Variants in FHAD1 observed in about 807,000 individuals in gnomAD.
FHAD1 encodes forkhead associated phosphopeptide binding domain 1, also known as forkhead-associated domain-containing protein 1.
FHAD1 carries 146 observed loss-of-function variants against 191.3 expected under a neutral mutation model. The ratio of observed to expected loss-of-function variants is 0.76; its 90% confidence interval spans 0.67 to 0.88. FHAD1 has a LOEUF of 0.88. FHAD1 is among the 40% of genes least tolerant of loss of function. FHAD1 has a pLI of 0.00. For synonymous variants in FHAD1, 616 were observed against 672.3 expected (o/e 0.92, Z 1.29); for missense variants, 1,635 against 1,785.8 (o/e 0.92, Z 1.52).
At chr1:15,275,320 T>G (rs960597997) in intron 3 of FHAD1, among the ~76,000 whole-genome samples, 6 of 152,330 alleles carry the variant, frequency 3.9e-5, no homozygotes, top group African/African-American at 1.4e-4. Flanking sequence ...TTCTTATTTC[T>G]ACATGCAGTT....
Position 15,311,889 on chromosome 1 carries a change from C to G in FHAD1, c.1040-1168C>G, listed in dbSNP as rs372381837. On this transcript the variant is annotated intron_variant, in intron 7 of 33. Coordinates refer to ENST00000688493, the MANE Select transcript of FHAD1 (RefSeq NM_001391957.1). The surrounding 1 kb of genome is among the most constrained non-coding windows in gnomAD (Gnocchi z 4.1). ...AGTGACTTAGTCTGGCTCAGGGTCTCTCACGAGGTTGCAGGAGCTACTGCT... is the reference window on the plus strand; with the variant it reads ...AGTGACTTAGTCTGGCTCAGGGTCTGTCACGAGGTTGCAGGAGCTACTGCT... Among the ~76,000 whole-genome samples the G allele has an allele frequency of 6.9e-4, 105 of 152,332 alleles. No homozygotes were observed. The highest frequency in any genetic ancestry group is 3.4e-3 in the Middle Eastern group (1 of 294).
rs780928321 is a variant in FHAD1, at chr1:15,366,025, C to T, written c.3154+92C>T. 3.4e-5 allele frequency: 29 copies of T among 844,596 alleles called. No homozygotes were observed. The Middle Eastern group carries it at 9.2e-4, about 27-fold the overall frequency. 52.3% of individuals were successfully genotyped at this position (844,596 alleles called of 1,614,324 possible). A position where few individuals can be genotyped will look rare whatever the true frequency, so the allele number is the denominator to read the frequency against. ...AGAGTCGGCCGGGCGCAGTGGCGCA[C>T]GCCTATAATCCCAGCACTTTGGGAG... On this transcript the variant is annotated intron_variant, in intron 24 of 33. Transcript: ENST00000688493.
At position 15,328,353 on chromosome 1, in the gene FHAD1, C is replaced by T. The variant is rs1679738526; in HGVS notation, c.1634C>T (p.Thr545Ile). Residue 545 changes from threonine to isoleucine, a missense_variant, in exon 13 of 34, where the codon ACC becomes ATC. Coordinates refer to ENST00000688493, the MANE Select transcript of FHAD1 (RefSeq NM_001391957.1). ...QQKKWTLQKETQLSNSKQEET... is the reference protein window; with the variant it reads ...QQKKWTLQKEIQLSNSKQEET... Reference sequence around the variant, plus strand: ...AAAAAGTGGACCCTCCAGAAAGAGACCCAGCTGAGCAACTCCAAGCAGGAG... The same window carrying T: ...AAAAAGTGGACCCTCCAGAAAGAGATCCAGCTGAGCAACTCCAAGCAGGAG... 1.3e-6 allele frequency: 2 copies of T among 1,548,918 alleles called. No individual in the cohort carries two copies. Among genetic ancestry groups the T allele is most frequent in the Non-Finnish European group, 1.7e-6 (2 of 1,146,052 alleles).
At chr1:15,308,585 C>G (rs148232755) in intron 6 of FHAD1, 28 bp from the exon 7 acceptor site, 6 of 1,551,120 alleles carry the variant, frequency 3.9e-6, no homozygotes, top group African/African-American at 2.7e-5. Flanking sequence ...GGCCAGCCCC[C>G]CTCTGACTGT....
chr1:15,274,018 T>C (rs527490030), intron 3 of FHAD1, among the ~76,000 whole-genome samples: 11 of 152,200 alleles, frequency 7.2e-5, no homozygotes, highest in Non-Finnish European at 1.5e-4. Context: ...GTCTAGCTGG[T>C]TTCACTCAGC....
At chr1:15,298,356 A>G (rs1168950405) in intron 5 of FHAD1, among the ~76,000 whole-genome samples, 1 of 152,238 alleles carries the variant, frequency 6.6e-6, no homozygotes, top group African/African-American at 2.4e-5. Flanking sequence ...AGAGTGATGC[A>G]GTAGACTTTG....
intron 23 of FHAD1, 73 bp from the exon 24 acceptor site, chr1:15,365,754 G>T: frequency 1.2e-6 from 1 of 838,008 alleles, no homozygotes; most frequent in African/African-American, 1.7e-5. Context: ...ATTTGTACTT[G>T]GCCCCTCCTG....
intron 2 of FHAD1, among the ~76,000 whole-genome samples, chr1:15,267,378 G>A (rs1394582909): frequency 6.6e-6 from 1 of 152,108 alleles, no homozygotes; most frequent in South Asian, 2.1e-4. Context: ...AAGACTTCAC[G>A]TCTATGTATA....
At chr1:15,385,144 T>C (rs6692393) in intron 31 of FHAD1, among the ~76,000 whole-genome samples, 2 of 147,398 alleles carry the variant, frequency 1.4e-5, no homozygotes, top group African/African-American at 5.1e-5. Context: ...TTTTTTTTTT[T>C]GCTTGCTGTT....
At chr1:15,367,739 T>C (rs1282102560) in intron 25 of FHAD1, 117 bp downstream of exon 25, 1 of 811,270 alleles carries the variant, frequency 1.2e-6, no homozygotes, top group Non-Finnish European at 1.9e-6. Flanking sequence ...ATGAATGATA[T>C]GTGTTTCATG....
intron 2 of FHAD1, among the ~76,000 whole-genome samples, chr1:15,261,663 G>A (rs968750053): frequency 2.0e-5 from 3 of 152,088 alleles, no homozygotes; most frequent in South Asian, 2.1e-4. Context: ...GAGGGAAGCC[G>A]ACAAACTTCC....
chr1:15,295,803 T>A (rs1172315710), intron 4 of FHAD1, among the ~76,000 whole-genome samples: 1 of 152,168 alleles, frequency 6.6e-6, no homozygotes, highest in East Asian at 1.9e-4. Flanking sequence ...GGCCATACAG[T>A]CTGTGTTGCA....
chr1:15,377,431 G>C (rs906741951), intron 28 of FHAD1, among the ~76,000 whole-genome samples: 1 of 152,058 alleles, frequency 6.6e-6, no homozygotes, highest in East Asian at 1.9e-4. Flanking sequence ...CTCCCAAGAC[G>C]GGCCTTCCCC....
intron 18 of FHAD1, among the ~76,000 whole-genome samples, chr1:15,346,140 G>GC (rs1688849592): frequency 6.6e-6 from 1 of 152,104 alleles, no homozygotes; most frequent in Admixed American, 6.5e-5. Context: ...TCCTCCCCGG[G>GC]CCCAAGCGCC....
intron 2 of FHAD1, among the ~76,000 whole-genome samples, chr1:15,258,966 T>C (rs1180535681): frequency 1.3e-5 from 2 of 152,192 alleles, no homozygotes; most frequent in African/African-American, 2.4e-5. Flanking sequence ...GACAGTTCTA[T>C]TTTTAATTTT....
At chr1:15,367,955 TTTG>T (rs1214692013) in intron 25 of FHAD1, among the ~76,000 whole-genome samples, 6 of 151,862 alleles carry the variant, frequency 4.0e-5, no homozygotes, top group Non-Finnish European at 8.8e-5. Flanking sequence ...CTTTGCCTGT[TTTG>T]TTGTTGTTGT....
chr1:15,243,542 T>G (rs1645648258), upstream of FHAD1, among the ~76,000 whole-genome samples: 1 of 152,182 alleles, frequency 6.6e-6, no homozygotes, highest in African/African-American at 2.4e-5. Flanking sequence ...AGGAGAAACA[T>G]CACACAGTTC....
At position 15,311,311 on chromosome 1, in the gene FHAD1, A is replaced by G. The variant is rs1256231024; in HGVS notation, c.1040-1746A>G. Among the ~76,000 whole-genome samples the G allele has an allele frequency of 1.3e-5, 2 of 152,192 alleles. No individual in the cohort carries two copies. Among genetic ancestry groups the G allele is most frequent in the African/African-American group, 4.8e-5 (2 of 41,454 alleles). On this transcript the variant is annotated intron_variant, in intron 7 of 33. Transcript: ENST00000688493. The surrounding 1 kb of genome is among the most constrained non-coding windows in gnomAD (Gnocchi z 4.1). Reference sequence around the variant, plus strand: ...CAAGTCTTCAGCAGAGTCAGGTGTGATGAGCACGTGCATGTGGGCAGGGAA... The same window carrying G: ...CAAGTCTTCAGCAGAGTCAGGTGTGGTGAGCACGTGCATGTGGGCAGGGAA...
At chr1:15,265,923 A>T (rs1193343670) in intron 2 of FHAD1, among the ~76,000 whole-genome samples, 3 of 136,462 alleles carry the variant, frequency 2.2e-5, no homozygotes, top group African/African-American at 8.3e-5. Context: ...GTGAGCCAGG[A>T]TTGCACCACT....
Sources: allele counts gnomAD v4.1 joint callset (sites outside exome capture counted in the v4.1 genomes callset), GRCh38; gene constraint gnomAD v4.1.1; non-coding constraint Gnocchi (gnomAD v3.1); transcripts MANE v1.5; gene names NCBI Gene and HGNC (gene_info 2026-07-23, HGNC 2026-07-21).